Variants in PEAK1 observed in about 807,000 individuals in gnomAD.
The protein encoded by PEAK1 is inactive tyrosine-protein kinase PEAK1.
In PEAK1, 54 loss-of-function variants were observed where a neutral mutation model predicts 124.7. The ratio of observed to expected loss-of-function variants is 0.43; its 90% confidence interval spans 0.35 to 0.54. PEAK1 has a LOEUF of 0.54. Ranked by LOEUF, PEAK1 falls within the 20% of genes least tolerant of loss-of-function variation. PEAK1 has a pLI of 0.01. For synonymous variants in PEAK1, 719 were observed against 760.0 expected, an observed-to-expected ratio of 0.95 and a Z score of 0.89; for missense variants, 2,046 against 2,134.5, an observed-to-expected ratio of 0.96 and a Z score of 0.82.
intron 1 of PEAK1, chr15:77,404,360 G>A (rs943816182): frequency 8.2e-6 from 8 of 977,130 alleles, no homozygotes; most frequent in East Asian, 1.1e-4. Flanking sequence ...CTGTGGCTAC[G>A]AAGCATCTGA....
chr15:77,277,440 T>C (rs1439634126), intron 5 of PEAK1, among the ~76,000 whole-genome samples: 1 of 152,182 alleles, frequency 6.6e-6, no homozygotes, highest in African/African-American at 2.4e-5. Context: ...AAGAACGATA[T>C]ACTACTCACT....
chr15:77,116,772 CT>C (rs2051429742), intron 9 of PEAK1, among the ~76,000 whole-genome samples: 1 of 151,922 alleles, frequency 6.6e-6, no homozygotes, highest in Non-Finnish European at 1.5e-5. Context: ...GCACAAGTTC[CT>C]TCAAGTCTTC....
intron 1 of PEAK1, among the ~76,000 whole-genome samples, chr15:77,415,768 T>C (rs2072827428): frequency 6.6e-6 from 1 of 152,186 alleles, no homozygotes; most frequent in South Asian, 2.1e-4. Flanking sequence ...GCCTACGCCC[T>C]GGATCCCATT....
chr15:77,338,157 C>A, intron 2 of PEAK1: 1 of 953,546 alleles, frequency 1.0e-6, no homozygotes, highest in Non-Finnish European at 1.2e-6. Flanking sequence ...ATTAATACAG[C>A]AGACAATGGG....
chr15:77,180,609 A>G lies in PEAK1; in HGVS notation c.1318T>C (p.Ser440Pro), dbSNP rs35335169. The change falls in exon 7 of 10, where the codon TCT becomes CCT. Residue 440 changes from serine (S) to proline (P), a missense_variant. Physicochemically the swap from Ser to Pro is moderately conservative, Grantham distance 74. Coordinates refer to ENST00000682557, the MANE Select transcript of PEAK1 (RefSeq NM_001385026.1). ...VQTEKEESKASTDVAGQAVTI... is the reference protein window; with the variant it reads ...VQTEKEESKAPTDVAGQAVTI... ...ACTGCTTGCCCAGCAACATCTGTAGAGGCTTTACTTTCTTCCTTCTCAGTT... is the reference window on the plus strand; with the variant it reads ...ACTGCTTGCCCAGCAACATCTGTAGGGGCTTTACTTTCTTCCTTCTCAGTT... 2,133 of 1,614,090 alleles carry G rather than the reference A, an allele frequency of 1.3e-3. 32 individuals carry two copies. The East Asian group carries it at 0.031, about 23-fold the overall frequency.
intron 2 of PEAK1, among the ~76,000 whole-genome samples, chr15:77,294,524 A>C (rs1332186728): frequency 2.0e-5 from 3 of 152,188 alleles, no homozygotes; most frequent in African/African-American, 7.2e-5. Context: ...GGTTTACCTA[A>C]AAGATAATGC....
intron 8 of PEAK1, among the ~76,000 whole-genome samples, chr15:77,147,699 G>T (rs1328968033): frequency 6.6e-6 from 1 of 152,172 alleles, no homozygotes; most frequent in Non-Finnish European, 1.5e-5. Flanking sequence ...TTCATTAAGT[G>T]ATCTTATATG....
intron 2 of PEAK1, chr15:77,330,924 G>T: frequency 1.5e-6 from 1 of 657,302 alleles, no homozygotes; most frequent in Non-Finnish European, 1.9e-6. Context: ...TCTATCTCTT[G>T]GTTCCAAAAC....
chr15:77,206,728 C>A lies in PEAK1; in HGVS notation c.-114-24688G>T, dbSNP rs763905494. 5.0e-3 allele frequency among the ~76,000 whole-genome samples: 754 copies of A among 151,626 alleles called. 4 individuals are homozygous for A. Among genetic ancestry groups the A allele is most frequent in the African/African-American group, 0.017 (699 of 41,264 alleles). On this transcript the variant is annotated intron_variant, in intron 6 of 9. Coordinates refer to ENST00000682557, the MANE Select transcript of PEAK1 (RefSeq NM_001385026.1). Reference sequence around the variant, plus strand: ...GTTCATTGTAGATTCTGGATATTAGCCCTTTGTCAGACGAGTAGGTTGCGA... The same window carrying A: ...GTTCATTGTAGATTCTGGATATTAGACCTTTGTCAGACGAGTAGGTTGCGA...
chr15:77,163,648 C>T (rs1272678627), intron 7 of PEAK1, among the ~76,000 whole-genome samples: 1 of 152,194 alleles, frequency 6.6e-6, no homozygotes, highest in Non-Finnish European at 1.5e-5. Flanking sequence ...CTTTAAATAT[C>T]CAAGTATTTC....
At chr15:77,287,856 T>C (rs2063007440) in intron 2 of PEAK1, among the ~76,000 whole-genome samples, 1 of 152,216 alleles carries the variant, frequency 6.6e-6, no homozygotes, top group South Asian at 2.1e-4. Flanking sequence ...CTTCTCAAGC[T>C]AAAAGTTGGG....
At chr15:77,378,949 A>G (rs752264450) in intron 1 of PEAK1, among the ~76,000 whole-genome samples, 2 of 152,138 alleles carry the variant, frequency 1.3e-5, no homozygotes, top group African/African-American at 4.8e-5. Context: ...CGCCACCCCT[A>G]TATTTCCTTG....
At chr15:77,262,868 G>T (rs1451907343) in intron 5 of PEAK1, among the ~76,000 whole-genome samples, 2 of 152,188 alleles carry the variant, frequency 1.3e-5, no homozygotes, top group African/African-American at 2.4e-5. Flanking sequence ...GCAGTCCTCA[G>T]CAAATGTAAA....
At chr15:77,355,888 A>G (rs2067488067) in intron 2 of PEAK1, 1 of 985,388 alleles carries the variant, frequency 1.0e-6, no homozygotes, top group Non-Finnish European at 1.2e-6. Context: ...AAATGGAGAG[A>G]ACTCAGAAAA....
At chr15:77,323,689 A>G (rs4886858) in intron 2 of PEAK1, among the ~76,000 whole-genome samples, 99,119 of 151,988 alleles carry the variant, frequency 0.65, 33,261 homozygotes, top group Non-Finnish European at 0.75. Context: ...AATCAATACC[A>G]TGAAAATGGC....
At chr15:77,240,496 T>C (rs2060307244) in intron 6 of PEAK1, among the ~76,000 whole-genome samples, 1 of 151,882 alleles carries the variant, frequency 6.6e-6, no homozygotes, top group Non-Finnish European at 1.5e-5. Flanking sequence ...GGCTTGTGTC[T>C]TTAGTCTCAG....
In PEAK1 at chr15:77,258,472, G is replaced by T. The variant is rs550688920; in HGVS notation, c.-274-5946C>A. Among the ~76,000 whole-genome samples the T allele has an allele frequency of 9.5e-3, 1,453 of 152,178 alleles. 19 individuals carry two copies. Among genetic ancestry groups the T allele is most frequent in the South Asian group, 0.05 (239 of 4,818 alleles). ...CTTGTACGTTGGATTCCTAGGTATT[G>T]TATTCTCTTTGAAGCAATTGTGAAT... On this transcript the variant is annotated intron_variant, in intron 5 of 9. Coordinates refer to ENST00000682557, the MANE Select transcript of PEAK1 (RefSeq NM_001385026.1).
At chr15:77,214,913 A>T (rs1032153524) in intron 6 of PEAK1, among the ~76,000 whole-genome samples, 24 of 152,294 alleles carry the variant, frequency 1.6e-4, no homozygotes, top group African/African-American at 5.5e-4. Context: ...AACACTGGGA[A>T]TTACAATTCG....
At chr15:77,167,866 T>C (rs2056218976) in intron 7 of PEAK1, among the ~76,000 whole-genome samples, 1 of 152,198 alleles carries the variant, frequency 6.6e-6, no homozygotes. Context: ...TAGGTATTTC[T>C]CCTAATGCTA....
Sources: allele counts gnomAD v4.1 joint callset (sites outside exome capture counted in the v4.1 genomes callset), GRCh38; gene constraint gnomAD v4.1.1; transcripts MANE v1.5; gene names NCBI Gene and HGNC (gene_info 2026-07-23, HGNC 2026-07-21).